The following ADGRF1 variants were observed in gnomAD, a reference collection of about 807,000 sequenced individuals.
ADGRF1 encodes the protein G protein-coupled receptor 110.
ADGRF1 carries 85 observed loss-of-function variants against 87.2 expected under a neutral mutation model. The ratio of observed to expected loss-of-function variants is 0.97; its 90% CI spans 0.82 to 1.17. The LOEUF (loss-of-function observed/expected upper bound fraction) is 1.17. ADGRF1 is among the 50% of genes most tolerant of loss of function. ADGRF1 has a pLI of 0.00. For synonymous variants in ADGRF1, 430 were observed against 408.8 expected (o/e 1.05, Z -0.63); for missense variants, 1,169 against 1,077.2 (o/e 1.09, Z -1.19).
In ADGRF1 at chr6:47,009,659, T is replaced by C. The variant is rs1345721921; in HGVS notation, c.1776A>G (p.Gly592=). 4.3e-6 allele frequency: 7 copies of C among 1,614,044 alleles called. No individual in the cohort carries two copies. Among genetic ancestry groups the C allele is most frequent in the Admixed American group, 1.7e-5 (1 of 59,992 alleles). ...TGAGACTTCCAATGGAGATACCCAG[T>C]CCCACATAGGTGATCCATTTTACAA... The part of the protein sequence containing the change: ...FPVVKWITYV[G]LGISIGSLIL... The change falls in exon 11 of 15, where the codon GGA becomes GGG. Residue 592 remains glycine (G), a synonymous_variant. Coordinates refer to ENST00000371253, the MANE Select transcript of ADGRF1 (RefSeq NM_153840.4).
In ADGRF1 at chr6:46,998,499, C is replaced by G. The variant is rs1038642635; in HGVS notation, c.*1723G>C. On this transcript the variant is annotated 3_prime_UTR_variant, in exon 15 of 15. Coordinates refer to ENST00000371253, the MANE Select transcript of ADGRF1 (RefSeq NM_153840.4). ...CATGGGAAACACACACATCCATTGC[C>G]CTGACAAACACTAGACATACAGGCT... 3 of 152,324 alleles carry G rather than the reference C, an allele frequency of 2.0e-5. No homozygotes were observed. The highest frequency in any genetic ancestry group is 4.4e-5 in the Non-Finnish European group (3 of 68,068). The allele number at this position is 152,324 out of a possible 1,614,324, so 9.4% of individuals were successfully genotyped here. A position where few individuals can be genotyped will look rare whatever the true frequency, so the allele number is the denominator to read the frequency against.
chr6:47,027,826 T>A, intron 2 of ADGRF1, 65 bp from the exon 3 acceptor site: 1 of 944,404 alleles, frequency 1.1e-6, no homozygotes. Flanking sequence ...AAGGCCTTGC[T>A]GAGTTTCCCA....
chr6:47,027,717 C>G lies in ADGRF1; in HGVS notation c.114G>C (p.Lys38Asn). Reference protein sequence around the residue: ...IKTKKELIVNKKKHLGPVEEY... With the variant: ...IKTKKELIVNNKKHLGPVEEY... ...ACAGAGCCTCACCTAGATGTTTTTTCTTATTCACAATGAGTTCTTTTTTTG... is the reference window on the plus strand; with the variant it reads ...ACAGAGCCTCACCTAGATGTTTTTTGTTATTCACAATGAGTTCTTTTTTTG... Residue 38 changes from lysine (K) to asparagine (N), a missense_variant, in exon 3 of 15, where the codon AAG (lysine) becomes AAC (asparagine). Physicochemically the swap from Lys to Asn is moderately conservative, Grantham distance 94. Transcript: ENST00000371253. 1 of 1,605,356 alleles carries G rather than the reference C, an allele frequency of 6.2e-7. No individual in the cohort carries two copies. The highest frequency in any genetic ancestry group is 1.1e-5 in the South Asian group (1 of 90,670).
Position 47,023,990 on chromosome 6 carries a change from TG to T in ADGRF1, c.451+53del, listed in dbSNP as rs2113897502. On this transcript the variant is annotated intron_variant, in intron 5 of 14. Transcript: ENST00000371253. ...AGACAATGAGCAAGCGTCCCCTCTCTGTTGCATGTTGGGGTGGGAGAAGCCC... is the reference window on the plus strand; with the variant it reads ...AGACAATGAGCAAGCGTCCCCTCTCTTTGCATGTTGGGGTGGGAGAAGCCC... 2.0e-6 allele frequency: 3 copies of T among 1,499,316 alleles called. No individual in the cohort carries two copies. In the South Asian group the frequency reaches 3.6e-5, roughly 18 times the overall value. The allele number at this position is 1,499,316 out of a possible 1,614,324, so 92.9% of individuals were successfully genotyped here.
In ADGRF1 at chr6:47,008,943, A is replaced by C; in HGVS notation, c.2490+2T>G. 1 of 1,584,512 alleles carries C rather than the reference A, an allele frequency of 6.3e-7. No homozygotes were observed. The highest frequency in any genetic ancestry group is 1.2e-5 in the South Asian group (1 of 86,790). On this transcript the variant is annotated splice_donor_variant, in intron 11 of 14. Coordinates refer to ENST00000371253, the MANE Select transcript of ADGRF1 (RefSeq NM_153840.4). LOFTEE classifies it high-confidence loss of function. ...ACAATAGGTTATTGTTACTGTTCTC[A>C]CCTGGAATGCATTGAGTAAAGCAAA...
intron 7 of ADGRF1, chr6:47,020,289 T>C: frequency 9.0e-7 from 1 of 1,113,494 alleles, no homozygotes; most frequent in African/African-American, 1.6e-5. Context: ...GGTCAGGAGT[T>C]TGAGACCAGT....
chr6:47,041,934 G>A (rs769743005), intron 1 of ADGRF1, among the ~76,000 whole-genome samples: 1 of 152,216 alleles, frequency 6.6e-6, no homozygotes, highest in Non-Finnish European at 1.5e-5. Flanking sequence ...ACAGAGGGAA[G>A]AGTGTGCTTT....
chr6:47,009,409 G>C lies in ADGRF1; in HGVS notation c.2026C>G (p.Leu676Val). 1 of 1,613,990 alleles carries C rather than the reference G, an allele frequency of 6.2e-7. No homozygotes were observed. The highest frequency in any genetic ancestry group is 2.2e-5 in the East Asian group (1 of 44,854). The change falls in exon 11 of 15, where the codon CTC becomes GTC. Residue 676 changes from leucine (L) to valine (V), a missense_variant. Leu to Val is a conservative substitution (Grantham distance 32). Transcript: ENST00000371253. ...FFYLSLFFWM[L>V]MLGILLAYRI... ...TAAGCCAGCAGGATGCCAAGCATGAGCATCCAGAAGAACAAAGAGAGGTAG... is the reference window on the plus strand; with the variant it reads ...TAAGCCAGCAGGATGCCAAGCATGACCATCCAGAAGAACAAAGAGAGGTAG...
At chr6:47,000,898 C>G (rs753375467) in intron 14 of ADGRF1, among the ~76,000 whole-genome samples, 7 of 147,638 alleles carry the variant, frequency 4.7e-5, no homozygotes, top group African/African-American at 1.1e-4. Flanking sequence ...CCAACCTTCT[C>G]TCTCCTCCAA....
chr6:47,011,009 C>T (rs144716769), intron 10 of ADGRF1, among the ~76,000 whole-genome samples: 3 of 152,308 alleles, frequency 2.0e-5, no homozygotes, highest in Admixed American at 2.0e-4. Context: ...TCTGTCACTC[C>T]ACCTGAGTCT....
Position 47,009,564 on chromosome 6 carries a change from C to A in ADGRF1, c.1871G>T (p.Arg624Leu), listed in dbSNP as rs143178573. 61 of 1,614,054 alleles carry A rather than the reference C, an allele frequency of 3.8e-5. No individual in the cohort carries two copies. In the African/African-American group the frequency reaches 7.7e-4, roughly 20 times the overall value. Residue 624 changes from arginine to leucine, a missense_variant, in exon 11 of 15, where the codon CGT (arginine) becomes CTT (leucine). Coordinates refer to ENST00000371253, the MANE Select transcript of ADGRF1 (RefSeq NM_153840.4). ...IKKSQTSHTR[R>L]ICMVNIALSL... ...CAGGGCTATGTTCACCATGCAAATA[C>A]GACGTGTGTGAGAGGTTTGGCTTTT... is the stretch of plus-strand genomic sequence containing the variant.
intron 9 of ADGRF1, chr6:47,013,901 TC>T: frequency 6.5e-6 from 1 of 154,490 alleles, no homozygotes; most frequent in Non-Finnish European, 1.4e-5. Context: ...TCTCTCTCTC[TC>T]TCCTGTCACC....
At chr6:47,020,517 A>G (rs1398733233) in intron 7 of ADGRF1, 1 of 1,502,526 alleles carries the variant, frequency 6.7e-7, no homozygotes, top group Non-Finnish European at 8.8e-7. Flanking sequence ...AAAAAAAAAA[A>G]TTTAAGGTCC....
At chr6:47,007,332 T>C in intron 11 of ADGRF1, 38 bp from the exon 12 acceptor site, 1 of 1,306,824 alleles carries the variant, frequency 7.7e-7, no homozygotes. Flanking sequence ...GTATTGTATT[T>C]TTCTTTTCCA....
intron 10 of ADGRF1, among the ~76,000 whole-genome samples, chr6:47,011,670 A>T (rs1333418433): frequency 1.3e-5 from 2 of 152,218 alleles, no homozygotes; most frequent in African/African-American, 4.8e-5. Flanking sequence ...TAAAATATAC[A>T]CTGTTCAAGT....
intron 1 of ADGRF1, among the ~76,000 whole-genome samples, chr6:47,035,681 T>G (rs2113910244): frequency 6.6e-6 from 1 of 152,330 alleles, no homozygotes; most frequent in Non-Finnish European, 1.5e-5. Flanking sequence ...CCGGTTAGTT[T>G]TTGTTGCTTG....
At chr6:47,014,865 CA>C (rs1455569275) in intron 8 of ADGRF1, 21 bp from the exon 9 acceptor site, 1 of 1,577,208 alleles carries the variant, frequency 6.3e-7, no homozygotes, top group Non-Finnish European at 8.6e-7. Flanking sequence ...AAGAAAACAA[CA>C]AAGAAAAATG....
At chr6:47,012,816 C>T (rs1779749693) in intron 9 of ADGRF1, 2 of 971,602 alleles carry the variant, frequency 2.1e-6, no homozygotes, top group African/African-American at 3.5e-5. Flanking sequence ...GTCAGCCAGG[C>T]TGGAGTGCGG....
chr6:47,012,356 C>T, intron 9 of ADGRF1, 161 bp from the exon 10 acceptor site: 1 of 1,321,544 alleles, frequency 7.6e-7, no homozygotes, highest in Non-Finnish European at 9.8e-7. Flanking sequence ...TCAGTGATTT[C>T]TATATTTTAG....
Sources: gnomAD v4.1 joint callset for allele counts (sites outside exome capture counted in the v4.1 genomes callset) on GRCh38, gnomAD v4.1.1 for gene constraint, MANE v1.5 for transcripts, NCBI Gene and HGNC (gene_info 2026-07-23, HGNC 2026-07-21) for gene names.